ULBP1: variants seen among roughly 807,000 people sequenced by gnomAD.
ULBP1 encodes UL16-binding protein 1.
A neutral mutation model predicts 25.3 loss-of-function variants in ULBP1; 28 were observed. That is an observed-to-expected ratio of 1.10 (90% CI 0.82 to 1.51). ULBP1 has a LOEUF of 1.51. Ranked by LOEUF, ULBP1 falls within the 40% of genes most tolerant of loss-of-function variation. The pLI is 0.00. For missense variants in ULBP1, 348 were observed against 290.9 expected (o/e 1.20, Z -1.43); for synonymous variants, 129 against 103.0 (o/e 1.25, Z -1.53).
intron 4 of ULBP1, among the ~76,000 whole-genome samples, chr6:149,970,457 C>T (rs538917563): frequency 6.6e-6 from 1 of 152,292 alleles, no homozygotes; most frequent in Non-Finnish European, 1.5e-5. Context: ...GGTGTGTGGC[C>T]TGCAGGCAGC....
chr6:149,969,249 T>C lies in ULBP1; in HGVS notation c.514T>C (p.Trp172Arg). 11 of 1,614,168 alleles carry C rather than the reference T, an allele frequency of 6.8e-6. No homozygotes were observed. The highest frequency in any genetic ancestry group is 9.3e-6 in the Non-Finnish European group (11 of 1,180,032). Residue 172 changes from tryptophan to arginine, a missense_variant, in exon 3 of 5, where the codon TGG (tryptophan) becomes CGG (arginine). Physicochemically the swap from Trp to Arg is moderately radical, Grantham distance 101 (BLOSUM62 -3). Coordinates refer to ENST00000229708, the MANE Select transcript of ULBP1 (RefSeq NM_025218.4). The part of the protein sequence containing the change: ...HPGAKKMTEK[W>R]EKNRDVTMFF... The stretch of plus-strand genomic sequence containing the variant: ...TGGAGCCAAGAAGATGACAGAGAAG[T>C]GGGAGAAGAACAGGGATGTGACCAT...
chr6:149,969,875 A>C (rs1779282068), intron 3 of ULBP1, 141 bp from the exon 4 acceptor site: 3 of 1,140,376 alleles, frequency 2.6e-6, no homozygotes, highest in Admixed American at 5.1e-5. Flanking sequence ...TTACCCCAAG[A>C]CTTGTCCCAG....
chr6:149,966,139 A>G (rs1328095190), intron 1 of ULBP1, among the ~76,000 whole-genome samples: 5 of 152,156 alleles, frequency 3.3e-5, no homozygotes, highest in Non-Finnish European at 1.5e-5. Flanking sequence ...CTTTCTAGAA[A>G]GGAAAGGCTG....
At chr6:149,969,465 G>T in intron 3 of ULBP1, 105 bp downstream of exon 3, 2 of 1,499,538 alleles carry the variant, frequency 1.3e-6, no homozygotes, top group Middle Eastern at 3.5e-4. Context: ...GTATGAACAT[G>T]ACCCCCTCAT....
At chr6:149,965,361 C>T (rs1339406789) in intron 1 of ULBP1, among the ~76,000 whole-genome samples, 10 of 152,264 alleles carry the variant, frequency 6.6e-5, no homozygotes, top group Non-Finnish European at 1.3e-4. Context: ...CCCTCCGGGG[C>T]TCCTTTCCGC....
At chr6:149,966,534 G>A (rs1401355539) in intron 1 of ULBP1, among the ~76,000 whole-genome samples, 2 of 152,166 alleles carry the variant, frequency 1.3e-5, no homozygotes, top group Non-Finnish European at 2.9e-5. Context: ...TCAGGTGTGA[G>A]CTAAGGGTGA....
chr6:149,964,047 A>G lies in ULBP1; in HGVS notation c.-3A>G, dbSNP rs375910544. ...CTCCTGTCCACGGAGCTCCAGGTCT[A>G]CAATGGCAGCGGCCGCCAGCCCCGC... On this transcript the variant is annotated 5_prime_UTR_variant, in exon 1 of 5. Coordinates refer to ENST00000229708, the MANE Select transcript of ULBP1 (RefSeq NM_025218.4). 46 of 1,613,768 alleles carry G rather than the reference A, an allele frequency of 2.9e-5. No homozygotes were observed. Among genetic ancestry groups the G allele is most frequent in the Non-Finnish European group, 2.5e-5 (30 of 1,180,024 alleles).
In ULBP1 at chr6:149,973,643, G is replaced by T. The variant is rs1278307977; in HGVS notation, c.*2297G>T. On this transcript the variant is annotated 3_prime_UTR_variant, in exon 5 of 5. Transcript: ENST00000229708. ...ATGATAATTGTATAAAAATTTGTAT[G>T]ATGATAATTGTATAATAATTATACA... 1 of 152,136 alleles carries T rather than the reference G, an allele frequency of 6.6e-6. No individual in the cohort carries two copies. Among genetic ancestry groups the T allele is most frequent in the African/African-American group, 2.4e-5 (1 of 41,440 alleles). 9.4% of individuals were successfully genotyped at this position (152,136 alleles called of 1,614,324 possible). A position where few individuals can be genotyped will look rare whatever the true frequency, so the allele number is the denominator to read the frequency against.
At chr6:149,965,070 G>T (rs969489069) in intron 1 of ULBP1, among the ~76,000 whole-genome samples, 1 of 144,840 alleles carries the variant, frequency 6.9e-6, no homozygotes, top group African/African-American at 2.6e-5. Context: ...CTTCTGGGTG[G>T]ACCAGCGCGA....
chr6:149,967,667 C>G (rs1455661195), intron 1 of ULBP1, among the ~76,000 whole-genome samples: 1 of 152,140 alleles, frequency 6.6e-6, no homozygotes, highest in Non-Finnish European at 1.5e-5. Context: ...GCTGAGGTCC[C>G]CCACTGGCAT....
At chr6:149,969,473 C>T (rs1779270505) in intron 3 of ULBP1, 113 bp downstream of exon 3, 2 of 1,433,044 alleles carry the variant, frequency 1.4e-6, no homozygotes, top group Non-Finnish European at 1.9e-6. Context: ...ATGACCCCCT[C>T]ATGGGGGGCT....
chr6:149,969,419 A>T, intron 3 of ULBP1, 59 bp downstream of exon 3: 9 of 1,584,514 alleles, frequency 5.7e-6, no homozygotes, highest in African/African-American at 1.3e-5. Flanking sequence ...CAGCTGGTGT[A>T]TGTGTGTGAG....
rs1011529043 is a variant in ULBP1 at position 149,963,952 on chromosome 6, C to A, written c.-98C>A. 4.1e-6 allele frequency: 5 copies of A among 1,229,342 alleles called. No individual in the cohort carries two copies. The highest frequency in any genetic ancestry group is 5.8e-6 in the Non-Finnish European group (5 of 863,906). The allele number at this position is 1,229,342 out of a possible 1,614,324, so 76.2% of individuals were successfully genotyped here. A position where few individuals can be genotyped will look rare whatever the true frequency, so the allele number is the denominator to read the frequency against. On this transcript the variant is annotated 5_prime_UTR_variant, in exon 1 of 5. Coordinates refer to ENST00000229708, the MANE Select transcript of ULBP1 (RefSeq NM_025218.4). Reference sequence around the variant, plus strand: ...TAGGATCCCGCCCAGTGTATCCCTGCGCGCGGCGGGCCGGGCTGGGCAGCT... The same window carrying A: ...TAGGATCCCGCCCAGTGTATCCCTGAGCGCGGCGGGCCGGGCTGGGCAGCT...
intron 3 of ULBP1, 23 bp from the exon 4 acceptor site, chr6:149,969,993 T>C (rs1199647753): frequency 8.8e-6 from 14 of 1,598,090 alleles, no homozygotes; most frequent in Non-Finnish European, 1.2e-5. Context: ...ACAAGGGTTG[T>C]CACTCCTGTG....
At position 149,971,864 on chromosome 6, in the gene ULBP1, T is replaced by C. The variant is rs1582829242; in HGVS notation, c.*518T>C. 6.6e-6 allele frequency: 1 copy of C among 152,216 alleles called. No homozygotes were observed. Among genetic ancestry groups the C allele is most frequent in the Admixed American group, 6.5e-5 (1 of 15,286 alleles). 9.4% of individuals were successfully genotyped at this position (152,216 alleles called of 1,614,324 possible). A position where few individuals can be genotyped will look rare whatever the true frequency, so the allele number is the denominator to read the frequency against. On this transcript the variant is annotated 3_prime_UTR_variant, in exon 5 of 5. Transcript: ENST00000229708. ...TTACAGTTTCTCATTCTGTCAACCA[T>C]ATTGAAGTGAAGTGGCATAGTCTTC...
intron 1 of ULBP1, among the ~76,000 whole-genome samples, chr6:149,966,019 G>A (rs1035914540): frequency 4.6e-5 from 7 of 152,062 alleles, no homozygotes; most frequent in African/African-American, 1.7e-4. Context: ...GGGAGCGCCG[G>A]TGAGTAGAGG....
chr6:149,967,668 C>T (rs953541331), intron 1 of ULBP1, among the ~76,000 whole-genome samples: 3 of 152,146 alleles, frequency 2.0e-5, no homozygotes, highest in African/African-American at 4.8e-5. Context: ...CTGAGGTCCC[C>T]CACTGGCATT....
At position 149,966,465 on chromosome 6, in the gene ULBP1, C is replaced by T. The variant is rs58431567; in HGVS notation, c.86-2142C>T. Among the ~76,000 whole-genome samples, 342 of 152,268 alleles carry T rather than the reference C, an allele frequency of 2.2e-3. 3 individuals carry two copies. Among genetic ancestry groups the T allele is most frequent in the African/African-American group, 7.8e-3 (325 of 41,546 alleles). Reference sequence around the variant, plus strand: ...TGGTTCTGGGCCTACTGCGCCCCTCCTTTGCTGCTGGGTGGCATCATAGGT... The same window carrying T: ...TGGTTCTGGGCCTACTGCGCCCCTCTTTTGCTGCTGGGTGGCATCATAGGT... On this transcript the variant is annotated intron_variant, in intron 1 of 4. Transcript: ENST00000229708.
chr6:149,967,553 T>C (rs897073394), intron 1 of ULBP1, among the ~76,000 whole-genome samples: 6 of 152,208 alleles, frequency 3.9e-5, no homozygotes, highest in Non-Finnish European at 7.3e-5. Flanking sequence ...GTTTTGTCTT[T>C]GTTTGTTGTA....
Sources: gnomAD v4.1 joint callset for allele counts (sites outside exome capture counted in the v4.1 genomes callset) on GRCh38, gnomAD v4.1.1 for gene constraint, MANE v1.5 for transcripts, NCBI Gene and HGNC (gene_info 2026-07-23, HGNC 2026-07-21) for gene names.